The following LOC400499 variants were observed in gnomAD, a reference collection of about 807,000 sequenced individuals.
chr16:11,456,979 G>A, the LOC400499 span: 5 of 1,536,130 alleles, frequency 3.3e-6, no homozygotes, highest in South Asian at 1.2e-5. Flanking sequence ...GGCAGGCGGA[G>A]GCTCAAGTGG....
the LOC400499 span, among the ~76,000 whole-genome samples, chr16:11,509,678 A>T: frequency 6.6e-6 from 1 of 151,722 alleles, no homozygotes; most frequent in Non-Finnish European, 1.5e-5. Flanking sequence ...AAAAATACCA[A>T]AAATTAGCTG....
chr16:11,431,937 T>C, the LOC400499 span, among the ~76,000 whole-genome samples: 1 of 152,210 alleles, frequency 6.6e-6, no homozygotes, highest in Admixed American at 6.5e-5. Flanking sequence ...GATTGGGCCC[T>C]AAGATCTGCA....
At chr16:11,407,504 G>A in the LOC400499 span, among the ~76,000 whole-genome samples, 2,488 of 152,336 alleles carry the variant, frequency 0.016, 57 homozygotes, top group African/African-American at 0.052. Flanking sequence ...TTGATGATGC[G>A]AGGGTTTGGA....
chr16:11,384,401 G>A, the LOC400499 span: 3 of 820,518 alleles, frequency 3.7e-6, no homozygotes, highest in Non-Finnish European at 4.9e-6. Flanking sequence ...GCTGCCTCAG[G>A]ACCTGTGTGT....
the LOC400499 span, among the ~76,000 whole-genome samples, chr16:11,454,843 GA>G: frequency 1.3e-5 from 2 of 152,174 alleles, no homozygotes; most frequent in African/African-American, 4.8e-5. Context: ...ACAGGTTTAA[GA>G]AAAAGGGATT....
At chr16:11,391,474 A>G in the LOC400499 span, among the ~76,000 whole-genome samples, 3 of 152,214 alleles carry the variant, frequency 2.0e-5, no homozygotes, top group African/African-American at 4.8e-5. Context: ...CAGACCCAGA[A>G]AAAACAAAGG....
At chr16:11,489,359 G>C in the LOC400499 span, among the ~76,000 whole-genome samples, 523 of 152,208 alleles carry the variant, frequency 3.4e-3, 5 homozygotes, top group African/African-American at 0.012. Context: ...TATCTTGCAG[G>C]GCTTTTTGGG....
the LOC400499 span, among the ~76,000 whole-genome samples, chr16:11,411,801 TC>T: frequency 3.6e-4 from 55 of 151,382 alleles, 1 homozygote; most frequent in South Asian, 7.5e-3. Context: ...ATAGCACCCC[TC>T]CCCTCACTCC....
the LOC400499 span, chr16:11,461,000 A>G: frequency 5.2e-6 from 8 of 1,536,020 alleles, no homozygotes. Flanking sequence ...GAGTTGGTCC[A>G]GAGCTGGCCC....
At chr16:11,372,771 A>C in the LOC400499 span, 45 of 977,020 alleles carry the variant, frequency 4.6e-5, no homozygotes, top group Non-Finnish European at 5.2e-5. Context: ...AGACCAGGCT[A>C]TGGGCCCCTG....
At chr16:11,383,731 T>TGGGTGCCACAGGGGACCTGCACAC in the LOC400499 span, 11 of 1,232,500 alleles carry the variant, frequency 8.9e-6, no homozygotes, top group Middle Eastern at 3.1e-4. Context: ...CTGGAGCTCC[T>TGGGTGCCACAGGGGACCTGCACAC]GGGTGCCACA....
the LOC400499 span, among the ~76,000 whole-genome samples, chr16:11,374,766 C>A: frequency 6.6e-6 from 1 of 152,184 alleles, no homozygotes; most frequent in Non-Finnish European, 1.5e-5. Context: ...GTGAATAATG[C>A]TGCTATGAAC....
At chr16:11,471,845 T>G in the LOC400499 span, 3 of 399,024 alleles carry the variant, frequency 7.5e-6, no homozygotes, top group Admixed American at 4.4e-5. Context: ...CAGGCAGCAC[T>G]GGTCAGTGGA....
At chr16:11,459,256 G>C in the LOC400499 span, among the ~76,000 whole-genome samples, 1 of 144,962 alleles carries the variant, frequency 6.9e-6, no homozygotes, top group East Asian at 2.1e-4. Flanking sequence ...GACTGCAGTG[G>C]TGCGATCTCG....
At chr16:11,526,788 T>C in the LOC400499 span, among the ~76,000 whole-genome samples, 1 of 152,178 alleles carries the variant, frequency 6.6e-6, no homozygotes, top group African/African-American at 2.4e-5. Context: ...CTCGGCTCAC[T>C]GCAGCCTCGA....
At chr16:11,518,125 T>G in the LOC400499 span, among the ~76,000 whole-genome samples, 1 of 152,124 alleles carries the variant, frequency 6.6e-6, no homozygotes, top group Non-Finnish European at 1.5e-5. Context: ...ACTTAGCATT[T>G]CTGATGAGGA....
At chr16:11,446,820 A>G in the LOC400499 span, 1 of 1,536,038 alleles carries the variant, frequency 6.5e-7, no homozygotes, top group Non-Finnish European at 8.7e-7. Flanking sequence ...GGACAACCCT[A>G]GTCTCCAGGG....
At chr16:11,469,451 C>T in the LOC400499 span, 1 of 399,028 alleles carries the variant, frequency 2.5e-6, no homozygotes, top group East Asian at 3.6e-5. Context: ...AGGGGCCCTG[C>T]CCCGGGTGTG....
At chr16:11,477,659 G>T in the LOC400499 span, among the ~76,000 whole-genome samples, 6 of 152,198 alleles carry the variant, frequency 3.9e-5, no homozygotes, top group African/African-American at 1.4e-4. Context: ...CCTGTAAAGT[G>T]GATCTAACCA....
Sources: gnomAD v4.1 joint callset for allele counts (sites outside exome capture counted in the v4.1 genomes callset) on GRCh38, gnomAD v4.1.1 for gene constraint, MANE v1.5 for transcripts.